The following PLEKHM2 variants were observed in gnomAD, a reference collection of about 807,000 sequenced individuals.
PLEKHM2 encodes pleckstrin homology domain-containing family M member 2.
Under a neutral mutation model 116.3 loss-of-function variants are expected in PLEKHM2, and 77 were observed. The ratio of observed to expected loss-of-function variants is 0.66; its 90% CI spans 0.55 to 0.80. The LOEUF (loss-of-function observed/expected upper bound fraction) is 0.80. PLEKHM2 is among the 30% of genes least tolerant of loss of function. The pLI is 0.00. For synonymous variants in PLEKHM2, 562 were observed against 571.0 expected, an observed-to-expected ratio of 0.98 and a Z score of 0.22; for missense variants, 1,183 against 1,354.9, an observed-to-expected ratio of 0.87 and a Z score of 1.99.
intron 8 of PLEKHM2, 87 bp downstream of exon 8, chr1:15,725,632 C>G (rs1023712562): frequency 6.3e-6 from 6 of 957,860 alleles, no homozygotes; most frequent in South Asian, 6.0e-5. Flanking sequence ...CAGGGCAGAC[C>G]GGGACACCCC....
intron 1 of PLEKHM2, among the ~76,000 whole-genome samples, chr1:15,689,897 C>T (rs1407290264): frequency 2.0e-5 from 3 of 152,170 alleles, no homozygotes; most frequent in African/African-American, 7.2e-5. Flanking sequence ...GCTGGGATTA[C>T]AGGCATGAGC....
intron 16 of PLEKHM2, 83 bp downstream of exon 16, chr1:15,731,340 G>C (rs770390584): frequency 2.8e-6 from 3 of 1,076,296 alleles, no homozygotes; most frequent in Non-Finnish European, 4.2e-6. Flanking sequence ...CCTGTTGGCA[G>C]TTCAGCCTCG....
rs1359290223 is a variant in PLEKHM2, at chr1:15,729,095, C to A, written c.1987-7C>A. The A allele has an allele frequency of 1.2e-6, 2 of 1,604,782 alleles. No individual in the cohort carries two copies. Among genetic ancestry groups the A allele is most frequent in the South Asian group, 2.2e-5 (2 of 89,214 alleles). ...CCAAGTGCATGTCACGGTGTGGTTT[C>A]TGGCAGGTTGGCCTTGACCAGCAGA... On this transcript the variant is annotated splice_polypyrimidine_tract_variant and splice_region_variant and intron_variant, in intron 12 of 19. Coordinates refer to ENST00000375799, the MANE Select transcript of PLEKHM2 (RefSeq NM_015164.4). The surrounding 1 kb of genome is among the most constrained non-coding windows in gnomAD (Gnocchi z 4.7).
intron 1 of PLEKHM2, among the ~76,000 whole-genome samples, chr1:15,694,756 G>GTT (rs111345595): frequency 1.2e-3 from 177 of 144,336 alleles, no homozygotes; most frequent in South Asian, 3.1e-3. Context: ...ATTTTGTTTT[G>GTT]TTTTTTTTTT....
chr1:15,699,413 G>T (rs1238521861), intron 1 of PLEKHM2, among the ~76,000 whole-genome samples: 1 of 152,078 alleles, frequency 6.6e-6, no homozygotes, highest in Non-Finnish European at 1.5e-5. Context: ...TCATTGTTCA[G>T]TTCCCACCTA....
chr1:15,686,649 T>A (rs1640776460), intron 1 of PLEKHM2, among the ~76,000 whole-genome samples: 1 of 130,136 alleles, frequency 7.7e-6, no homozygotes, highest in Non-Finnish European at 1.6e-5. Context: ...CCCGGCTAAA[T>A]TTTTTTTTTT....
intron 16 of PLEKHM2, among the ~76,000 whole-genome samples, chr1:15,731,653 G>T (rs1250913372): frequency 6.6e-6 from 1 of 152,182 alleles, no homozygotes; most frequent in Non-Finnish European, 1.5e-5. Flanking sequence ...CCATGCTTGG[G>T]TATCTAGAGG....
At chr1:15,689,173 G>A (rs528000581) in intron 1 of PLEKHM2, among the ~76,000 whole-genome samples, 3 of 151,466 alleles carry the variant, frequency 2.0e-5, no homozygotes, top group African/African-American at 4.9e-5. Context: ...GCTTAAACTC[G>A]GGAGGCGGAG....
chr1:15,683,083 A>C (rs1468827715), upstream of PLEKHM2: 2 of 151,688 alleles, frequency 1.3e-5, no homozygotes, highest in Non-Finnish European at 2.9e-5. Context: ...AGGAGTGGGA[A>C]TGGGGCATTG....
intron 1 of PLEKHM2, among the ~76,000 whole-genome samples, chr1:15,705,138 C>T (rs186012015): frequency 6.6e-6 from 1 of 150,456 alleles, no homozygotes; most frequent in Non-Finnish European, 1.5e-5. Flanking sequence ...TCCATTTCCA[C>T]AGCTGTGTCC....
intron 1 of PLEKHM2, among the ~76,000 whole-genome samples, chr1:15,709,438 C>T (rs988453785): frequency 6.6e-6 from 1 of 152,100 alleles, no homozygotes; most frequent in African/African-American, 2.4e-5. Context: ...TGTTTATTTA[C>T]CTTTATGTGC....
Position 15,719,757 on chromosome 1 carries a change from C to T in PLEKHM2, c.489C>T (p.Ala163=), listed in dbSNP as rs776733282. The change falls in exon 6 of 20, where the codon GCC becomes GCT. Residue 163 remains alanine (A), a synonymous_variant. Transcript: ENST00000375799. This position sits in a 1 kb window ranked among gnomAD's most constrained non-coding sequence, Gnocchi z 4.1. ...LDLDAPYLDL[A]PYMPDYYKPQ... ...AGGATGCCCCTTACCTAGACCTGGC[C>T]CCCTACATGCCCGACTACTACAAAC... 2 of 1,612,856 alleles carry T rather than the reference C, an allele frequency of 1.2e-6. No individual in the cohort carries two copies. Among genetic ancestry groups the T allele is most frequent in the South Asian group, 2.2e-5 (2 of 90,794 alleles).
rs751463444 is a variant in PLEKHM2 at position 15,732,479 on chromosome 1, G to A, written c.2755G>A (p.Gly919Ser). The A allele has an allele frequency of 1.2e-6, 2 of 1,606,592 alleles. No individual in the cohort carries two copies. Among genetic ancestry groups the A allele is most frequent in the Non-Finnish European group, 1.7e-6 (2 of 1,176,894 alleles). Residue 919 changes from glycine to serine, a missense_variant, in exon 18 of 20, where the codon GGC becomes AGC. By Grantham distance (56) the Gly-to-Ser change is moderately conservative. Coordinates refer to ENST00000375799, the MANE Select transcript of PLEKHM2 (RefSeq NM_015164.4). ...FFRSLGTAKL[G>S]DISAVSTEPG... The stretch of plus-strand genomic sequence containing the variant: ...CCGCTCTTTGGGCACAGCCAAGCTG[G>A]GCGACATCAGCGCCGTCTCCACCGA...
rs189697701 is a variant in PLEKHM2, at chr1:15,730,518, C to T, written c.2209-14C>T. 1,046 of 1,539,276 alleles carry T rather than the reference C, an allele frequency of 6.8e-4. 13 individuals carry two copies. The Admixed American group carries it at 0.018, about 27-fold the overall frequency. On this transcript the variant is annotated splice_polypyrimidine_tract_variant and intron_variant, in intron 14 of 19. Coordinates refer to ENST00000375799, the MANE Select transcript of PLEKHM2 (RefSeq NM_015164.4). ...CCTTACTTGCTTTGTCCCCCGTGCCCGCCCCCGCATCAGGCATCTGCTGTC... is the reference window on the plus strand; with the variant it reads ...CCTTACTTGCTTTGTCCCCCGTGCCTGCCCCCGCATCAGGCATCTGCTGTC...
chr1:15,728,014 G>T lies in PLEKHM2; in HGVS notation c.1761-65G>T. ...GGAGGCACTACCCCCTGGCTCTGGGGTGGGGTGTGGCCTCTCTCACCGCTG... is the reference window on the plus strand; with the variant it reads ...GGAGGCACTACCCCCTGGCTCTGGGTTGGGGTGTGGCCTCTCTCACCGCTG... On this transcript the variant is annotated intron_variant, in intron 9 of 19. Coordinates refer to ENST00000375799, the MANE Select transcript of PLEKHM2 (RefSeq NM_015164.4). The surrounding 1 kb of genome is among the most constrained non-coding windows in gnomAD (Gnocchi z 5.9). 4 of 1,380,486 alleles carry T rather than the reference G, an allele frequency of 2.9e-6. No individual in the cohort carries two copies. The South Asian group carries it at 4.9e-5, about 17-fold the overall frequency. The allele number at this position is 1,380,486 out of a possible 1,614,324, so 85.5% of individuals were successfully genotyped here.
intron 19 of PLEKHM2, among the ~76,000 whole-genome samples, chr1:15,733,120 G>A (rs940338116): frequency 6.6e-6 from 1 of 152,264 alleles, no homozygotes; most frequent in Non-Finnish European, 1.5e-5. Flanking sequence ...GGCCTGGCAG[G>A]AGAGAGCTGT....
intron 1 of PLEKHM2, among the ~76,000 whole-genome samples, chr1:15,685,540 T>C (rs964748865): frequency 5.5e-5 from 2 of 36,536 alleles, no homozygotes; most frequent in African/African-American, 3.0e-4. Context: ...TCTCAGAAAC[T>C]GAAAAAAAAA....
At chr1:15,695,980 ATT>A (rs35886234) in intron 1 of PLEKHM2, among the ~76,000 whole-genome samples, 49,273 of 141,248 alleles carry the variant, frequency 0.35, 9,964 homozygotes, top group African/African-American at 0.59. Context: ...TTTTTTCTAT[ATT>A]TTTTTTTTTT....
At chr1:15,700,189 G>C (rs1641082647) in intron 1 of PLEKHM2, among the ~76,000 whole-genome samples, 1 of 152,128 alleles carries the variant, frequency 6.6e-6, no homozygotes, top group Non-Finnish European at 1.5e-5. Context: ...CCTGGGGATA[G>C]CCCATGGCCC....
Sources: allele counts gnomAD v4.1 joint callset (sites outside exome capture counted in the v4.1 genomes callset), GRCh38; gene constraint gnomAD v4.1.1; non-coding constraint Gnocchi (gnomAD v3.1); transcripts MANE v1.5; gene names NCBI Gene and HGNC (gene_info 2026-07-23, HGNC 2026-07-21).